The following PANK2 variants were observed in gnomAD, a reference collection of about 807,000 sequenced individuals.
The protein encoded by PANK2 is pantothenate kinase 2, also known as pantothenate kinase 2, mitochondrial.
A neutral mutation model predicts 43.1 loss-of-function variants in PANK2; 36 were observed. The observed-to-expected ratio is 0.84, with a 90% CI of 0.64 to 1.10. PANK2 has a LOEUF of 1.10. PANK2 is among the 50% of genes least tolerant of loss of function. The pLI, the probability that PANK2 is intolerant of heterozygous loss-of-function variation, is 0.00. For synonymous variants in PANK2, 281 were observed against 238.2 expected (o/e 1.18, Z -1.66); for missense variants, 576 against 593.3 (o/e 0.97, Z 0.30).
intron 4 of PANK2, among the ~76,000 whole-genome samples, chr20:3,916,357 C>T (rs992977829): frequency 6.6e-6 from 1 of 152,170 alleles, no homozygotes; most frequent in African/African-American, 2.4e-5. Flanking sequence ...TGTTGATTTT[C>T]TGTTTGTAAC....
At chr20:3,919,890 C>T (rs2090621116) in intron 6 of PANK2, among the ~76,000 whole-genome samples, 1 of 152,142 alleles carries the variant, frequency 6.6e-6, no homozygotes, top group African/African-American at 2.4e-5. Context: ...TTTAAAGTTA[C>T]TTTAAGTTTT....
chr20:3,920,320 A>C (rs2090626463), intron 6 of PANK2, among the ~76,000 whole-genome samples: 1 of 151,972 alleles, frequency 6.6e-6, no homozygotes, highest in Non-Finnish European at 1.5e-5. Flanking sequence ...AGCCTGGCCA[A>C]CCATGGTCAA....
At chr20:3,906,477 A>G (rs988787292) in intron 1 of PANK2, among the ~76,000 whole-genome samples, 1 of 152,158 alleles carries the variant, frequency 6.6e-6, no homozygotes, top group African/African-American at 2.4e-5. Context: ...TACCCAGCCT[A>G]TTGAACATCA....
chr20:3,914,506 C>G lies in PANK2; in HGVS notation c.1082+1872C>G, dbSNP rs184358910. 7.2e-5 allele frequency among the ~76,000 whole-genome samples: 11 copies of G among 151,858 alleles called. No homozygotes were observed. The East Asian group carries it at 2.1e-3, about 29-fold the overall frequency. Reference sequence around the variant, plus strand: ...TTTTTTTTGTAGAGATAGGGTCTTGCTATGTTGCCTAGGCTGTCCTGGCCT... The same window carrying G: ...TTTTTTTTGTAGAGATAGGGTCTTGGTATGTTGCCTAGGCTGTCCTGGCCT... On this transcript the variant is annotated intron_variant, in intron 4 of 6. Coordinates refer to ENST00000610179, the MANE Select transcript of PANK2 (RefSeq NM_001386393.1).
chr20:3,914,686 A>G (rs1247790309), intron 4 of PANK2, among the ~76,000 whole-genome samples: 2 of 151,462 alleles, frequency 1.3e-5, no homozygotes, highest in Admixed American at 6.6e-5. Flanking sequence ...TGAAACCTCT[A>G]CCTCCTGGGT....
In PANK2 at chr20:3,923,651, G is replaced by A. The variant is rs2090681129; in HGVS notation, c.*357G>A. On this transcript the variant is annotated 3_prime_UTR_variant, in exon 7 of 7. Coordinates refer to ENST00000610179, the MANE Select transcript of PANK2 (RefSeq NM_001386393.1). The stretch of plus-strand genomic sequence containing the variant: ...CTGGTTTTGTGTCCTGTTTGAACTT[G>A]CTGAATGTAAGGCAGGCTACTATGC... 1 of 353,954 alleles carries A rather than the reference G, an allele frequency of 2.8e-6. No homozygotes were observed. The highest frequency in any genetic ancestry group is 2.1e-5 in the African/African-American group (1 of 48,558). 21.9% of individuals were successfully genotyped at this position (353,954 alleles called of 1,614,324 possible).
chr20:3,923,161 G>T, intron 6 of PANK2, 83 bp from the exon 7 acceptor site: 1 of 1,490,966 alleles, frequency 6.7e-7, no homozygotes, highest in Non-Finnish European at 9.4e-7. Context: ...GCAGTGGTTG[G>T]CTTTAACACT....
At position 3,912,472 on chromosome 20, in the gene PANK2, CT is replaced by C. The variant is rs1568574931; in HGVS notation, c.927del (p.Phe309LeufsTer31). On this transcript the variant is annotated frameshift_variant, in exon 4 of 7. Transcript: ENST00000610179. LOFTEE classifies it high-confidence loss of function. ...TTTAATCATAGTCTTGGAGGAGGAACTTTTTTTGGTCTCTGCTGTCTTCTTA... is the reference window on the plus strand; with the variant it reads ...TTTAATCATAGTCTTGGAGGAGGAACTTTTTTGGTCTCTGCTGTCTTCTTA... 1 of 1,613,980 alleles carries C rather than the reference CT, an allele frequency of 6.2e-7. No individual in the cohort carries two copies. Among genetic ancestry groups the C allele is most frequent in the Non-Finnish European group, 8.5e-7 (1 of 1,179,946 alleles).
intron 4 of PANK2, among the ~76,000 whole-genome samples, chr20:3,913,177 T>G (rs2090496348): frequency 6.6e-6 from 1 of 152,014 alleles, no homozygotes; most frequent in Admixed American, 6.6e-5. Flanking sequence ...CCACAGCCCC[T>G]GCCAAACAGT....
Position 3,907,962 on chromosome 20 carries a change from T to G in PANK2, c.335T>G (p.Leu112Arg). Reference sequence around the variant, plus strand: ...TTTGGACTGGATATCGGTGGAACTCTGGTCAAGCTGGTATATTTTGAACCC... The same window carrying G: ...TTTGGACTGGATATCGGTGGAACTCGGGTCAAGCTGGTATATTTTGAACCC... The change falls in exon 2 of 7, where the codon CTG (leucine) becomes CGG (arginine). Residue 112 changes from leucine to arginine, a missense_variant. Transcript: ENST00000610179. 1 of 1,614,208 alleles carries G rather than the reference T, an allele frequency of 6.2e-7. No homozygotes were observed. Among genetic ancestry groups the G allele is most frequent in the Non-Finnish European group, 8.5e-7 (1 of 1,180,030 alleles).
chr20:3,913,945 C>T (rs992427375), intron 4 of PANK2, among the ~76,000 whole-genome samples: 49 of 151,926 alleles, frequency 3.2e-4, no homozygotes, highest in Admixed American at 1.5e-3. Context: ...CCTGCCACCA[C>T]GCCCGGCTAT....
intron 1 of PANK2, among the ~76,000 whole-genome samples, chr20:3,904,963 C>T (rs541393611): frequency 2.6e-5 from 4 of 152,230 alleles, no homozygotes; most frequent in African/African-American, 7.2e-5. Flanking sequence ...GTATGAGATA[C>T]GTGGCAAAAT....
intron 6 of PANK2, chr20:3,921,381 C>T (rs1243623078): frequency 6.6e-6 from 1 of 152,124 alleles, no homozygotes; most frequent in South Asian, 2.1e-4. Flanking sequence ...TTCTCTCAAG[C>T]GTTTCCTCTT....
Position 3,927,048 on chromosome 20 carries a change from A to AG in PANK2, c.*3759dup, listed in dbSNP as rs1314529221. 1 of 152,242 alleles carries AG rather than the reference A, an allele frequency of 6.6e-6. No individual in the cohort carries two copies. The highest frequency in any genetic ancestry group is 1.5e-5 in the Non-Finnish European group (1 of 68,284). The allele number at this position is 152,242 out of a possible 1,614,324, so 9.4% of individuals were successfully genotyped here. ...GCTGTTTGCAGAGCTCAGGGAGGCC[A>AG]GGGGGCTTCAGACTCCACTGTACTC... On this transcript the variant is annotated 3_prime_UTR_variant, in exon 7 of 7. Transcript: ENST00000610179.
intron 1 of PANK2, among the ~76,000 whole-genome samples, chr20:3,893,661 C>T (rs574324819): frequency 2.1e-3 from 324 of 152,262 alleles, no homozygotes; most frequent in Non-Finnish European, 3.6e-3. Flanking sequence ...TCCTACAAAT[C>T]TAACCTTCAT....
chr20:3,925,812 TTC>T lies in PANK2; in HGVS notation c.*2524_*2525del, dbSNP rs200031746. On this transcript the variant is annotated 3_prime_UTR_variant, in exon 7 of 7. Coordinates refer to ENST00000610179, the MANE Select transcript of PANK2 (RefSeq NM_001386393.1). ...TGAGCTCCAGCCCCGAGACACTGCC[TTC>T]TCTCTGCATTTGTTGATCTCTGTGC... The T allele has an allele frequency of 0.017, 2,531 of 152,508 alleles. 86 individuals are homozygous for T. Among genetic ancestry groups the T allele is most frequent in the African/African-American group, 0.058 (2,421 of 41,534 alleles). 9.4% of individuals were successfully genotyped at this position (152,508 alleles called of 1,614,324 possible).
rs1004171495 is a variant in PANK2 at position 3,925,494 on chromosome 20, A to G, written c.*2200A>G. On this transcript the variant is annotated 3_prime_UTR_variant, in exon 7 of 7. Coordinates refer to ENST00000610179, the MANE Select transcript of PANK2 (RefSeq NM_001386393.1). ...GGTGATCCGCCTGCCTTGGCCTCCC[A>G]AAGTGCTGGGAATACAGGTGTGAGC... 1 of 152,328 alleles carries G rather than the reference A, an allele frequency of 6.6e-6. No homozygotes were observed. 9.4% of individuals were successfully genotyped at this position (152,328 alleles called of 1,614,324 possible).
chr20:3,896,154 TG>T (rs1399319837), intron 1 of PANK2, among the ~76,000 whole-genome samples: 16 of 151,604 alleles, frequency 1.1e-4, no homozygotes, highest in Non-Finnish European at 2.4e-4. Flanking sequence ...CTCCTTCTCC[TG>T]GGTTCATGCC....
chr20:3,918,563 A>G (rs978870965), intron 5 of PANK2, 108 bp from the exon 6 acceptor site: 7 of 1,455,732 alleles, frequency 4.8e-6, no homozygotes, highest in African/African-American at 1.4e-5. Context: ...TTTGATCAGC[A>G]GTCAAATTGT....
Sources: gnomAD v4.1 joint callset for allele counts (sites outside exome capture counted in the v4.1 genomes callset) on GRCh38, gnomAD v4.1.1 for gene constraint, MANE v1.5 for transcripts, NCBI Gene and HGNC (gene_info 2026-07-23, HGNC 2026-07-21) for gene names.